ERC2: variants seen among roughly 807,000 people sequenced by gnomAD.
The protein encoded by ERC2 is ERC protein 2.
ERC2 carries 42 observed loss-of-function variants against 114.8 expected under a neutral mutation model. The ratio of observed to expected loss-of-function variants is 0.37; its 90% CI spans 0.29 to 0.47. The LOEUF is 0.47. ERC2 is among the 20% of genes least tolerant of loss of function. The pLI is 0.99. For missense variants in ERC2, 939 were observed against 1,150.7 expected, an observed-to-expected ratio of 0.82 and a Z score of 2.66; for synonymous variants, 454 against 425.5, an observed-to-expected ratio of 1.07 and a Z score of -0.82.
At chr3:56,303,167 A>G (rs1313023286) in intron 2 of ERC2, among the ~76,000 whole-genome samples, 9 of 152,254 alleles carry the variant, frequency 5.9e-5, no homozygotes. Context: ...AGCAACTGTG[A>G]CAATGGGAAT....
At chr3:56,434,191 C>A in intron 2 of ERC2, 160 bp downstream of exon 2, 11 of 556,302 alleles carry the variant, frequency 2.0e-5, no homozygotes, top group Non-Finnish European at 2.5e-5. Flanking sequence ...TGGTATATTT[C>A]CTATGCTCTC....
chr3:55,912,188 G>A (rs1485056575), intron 13 of ERC2, among the ~76,000 whole-genome samples: 1 of 152,172 alleles, frequency 6.6e-6, no homozygotes, highest in Middle Eastern at 3.2e-3. Flanking sequence ...GAGAGAGGTG[G>A]TGGTACCTAC....
chr3:55,917,956 C>T (rs1245452344), intron 13 of ERC2, among the ~76,000 whole-genome samples: 1 of 151,628 alleles, frequency 6.6e-6, no homozygotes, highest in Non-Finnish European at 1.5e-5. Flanking sequence ...ATGCTAGCTG[C>T]TCTAACAGAG....
chr3:56,334,007 C>T (rs1229418830), intron 2 of ERC2, among the ~76,000 whole-genome samples: 4 of 152,230 alleles, frequency 2.6e-5, no homozygotes, highest in Admixed American at 2.6e-4. Flanking sequence ...TGGTTTACCA[C>T]AGTGCCTGAC....
chr3:56,235,445 T>C (rs1339513726), intron 3 of ERC2, among the ~76,000 whole-genome samples: 1 of 152,224 alleles, frequency 6.6e-6, no homozygotes, highest in Non-Finnish European at 1.5e-5. Context: ...CCTAGCATTG[T>C]AGATAGTTGC....
At chr3:56,331,365 C>G (rs1322071437) in intron 2 of ERC2, among the ~76,000 whole-genome samples, 1 of 152,174 alleles carries the variant, frequency 6.6e-6, no homozygotes, top group African/African-American at 2.4e-5. Context: ...CCTCACTCTA[C>G]TCACTGGCTA....
intron 14 of ERC2, among the ~76,000 whole-genome samples, chr3:55,772,538 G>A (rs971769848): frequency 3.9e-5 from 6 of 152,278 alleles, no homozygotes; most frequent in Non-Finnish European, 5.9e-5. Context: ...GGATGGTCTC[G>A]ATCTCCTGAC....
At chr3:55,720,225 TCTTCTTCTTC>T (rs1559547686) in intron 15 of ERC2, among the ~76,000 whole-genome samples, 2 of 31,408 alleles carry the variant, frequency 6.4e-5, no homozygotes, top group African/African-American at 4.0e-4. Flanking sequence ...TTCTTCTTCT[TCTTCTTCTTC>T]TTCTTCTCTC....
intron 5 of ERC2, among the ~76,000 whole-genome samples, chr3:56,146,673 C>A (rs2081154897): frequency 6.6e-6 from 1 of 152,158 alleles, no homozygotes; most frequent in Non-Finnish European, 1.5e-5. Flanking sequence ...TCTGAACCAT[C>A]CTGTAAGGTT....
chr3:55,838,700 C>T (rs1435132562), intron 14 of ERC2, among the ~76,000 whole-genome samples: 3 of 151,708 alleles, frequency 2.0e-5, no homozygotes, highest in Non-Finnish European at 3.0e-5. Context: ...AATCTCTAGG[C>T]ATACTGACCA....
In ERC2 at chr3:55,627,488, GA is replaced by G. The variant is rs547587682; in HGVS notation, c.*39+56305del. Among the ~76,000 whole-genome samples the G allele has an allele frequency of 2.4e-3, 372 of 152,034 alleles. 2 individuals carry two copies. The highest frequency in any genetic ancestry group is 8.6e-3 in the African/African-American group (358 of 41,480). ...CTCAAAAAAGAAAAAAAAGAAAAAA[GA>G]AAAAAAGAAATTTCTTTTTTCTCTG... On this transcript the variant is annotated intron_variant, in intron 17 of 17. Coordinates refer to ENST00000288221, the MANE Select transcript of ERC2 (RefSeq NM_015576.3).
chr3:55,867,582 A>G (rs890303859), intron 14 of ERC2, among the ~76,000 whole-genome samples: 3 of 152,244 alleles, frequency 2.0e-5, no homozygotes, highest in Non-Finnish European at 2.9e-5. Context: ...ACAAAATGCA[A>G]TCGCATCTAT....
At chr3:56,008,958 T>C (rs1193518060) in intron 9 of ERC2, among the ~76,000 whole-genome samples, 1 of 152,186 alleles carries the variant, frequency 6.6e-6, no homozygotes, top group Non-Finnish European at 1.5e-5. Context: ...TCTTAATCTG[T>C]AGAAAATGTT....
intron 2 of ERC2, among the ~76,000 whole-genome samples, chr3:56,394,397 T>A (rs749755690): frequency 5.3e-5 from 8 of 152,206 alleles, no homozygotes; most frequent in Non-Finnish European, 1.2e-4. Context: ...TACAGGATGA[T>A]GAAATCACTG....
At chr3:55,710,492 T>C (rs1196825521) in intron 15 of ERC2, among the ~76,000 whole-genome samples, 1 of 152,128 alleles carries the variant, frequency 6.6e-6, no homozygotes, top group Non-Finnish European at 1.5e-5. Flanking sequence ...ATGGTTGTTT[T>C]TTTTTTCCTA....
At chr3:56,357,763 T>C (rs2058799331) in intron 2 of ERC2, among the ~76,000 whole-genome samples, 1 of 149,122 alleles carries the variant, frequency 6.7e-6, no homozygotes, top group Non-Finnish European at 1.5e-5. Context: ...AGCCATTACA[T>C]CCACTGGAAT....
chr3:56,359,525 C>T (rs1265538833), intron 2 of ERC2, among the ~76,000 whole-genome samples: 3 of 152,230 alleles, frequency 2.0e-5, no homozygotes, highest in Admixed American at 1.3e-4. Context: ...ACAAAATAGA[C>T]ATTATTATTC....
At chr3:55,878,289 A>G (rs903903769) in intron 14 of ERC2, among the ~76,000 whole-genome samples, 1 of 152,172 alleles carries the variant, frequency 6.6e-6, no homozygotes, top group African/African-American at 2.4e-5. Flanking sequence ...TATTAAAACT[A>G]TACATACAGT....
intron 8 of ERC2, 21 bp downstream of exon 8, chr3:56,018,873 A>C (rs761800657): frequency 6.2e-6 from 10 of 1,604,798 alleles, no homozygotes; most frequent in African/African-American, 1.3e-5. Context: ...CTGATTCCCC[A>C]GTTTTTGAGT....
Sources: allele counts gnomAD v4.1 joint callset (sites outside exome capture counted in the v4.1 genomes callset), GRCh38; gene constraint gnomAD v4.1.1; transcripts MANE v1.5; gene names NCBI Gene and HGNC (gene_info 2026-07-23, HGNC 2026-07-21).